The following MROH2B variants were observed in gnomAD, a reference collection of about 807,000 sequenced individuals.
The protein encoded by MROH2B is maestro heat-like repeat-containing protein family member 2B.
A neutral mutation model predicts 208.6 loss-of-function variants in MROH2B; 177 were observed. That is an observed-to-expected ratio of 0.85 (90% CI 0.75 to 0.96). The LOEUF is 0.96. Ranked by LOEUF, MROH2B falls within the 40% of genes least tolerant of loss-of-function variation. The pLI, the probability that MROH2B is intolerant of heterozygous loss-of-function variation, is 0.00. For synonymous variants in MROH2B, 728 were observed against 659.0 expected (o/e 1.10, Z -1.60); for missense variants, 2,002 against 1,878.7 (o/e 1.07, Z -1.21).
intron 28 of MROH2B, 81 bp downstream of exon 28, chr5:41,017,769 T>C (rs969768586): frequency 4.1e-6 from 6 of 1,446,046 alleles, no homozygotes; most frequent in Non-Finnish European, 4.6e-6. Flanking sequence ...GAGAGAGACA[T>C]AGGTGCATAA....
At chr5:41,035,552 T>C (rs1015068363) in intron 21 of MROH2B, among the ~76,000 whole-genome samples, 3 of 151,676 alleles carry the variant, frequency 2.0e-5, no homozygotes, top group Middle Eastern at 3.2e-3. Flanking sequence ...ATGGAAAAAA[T>C]ATCCTCAAAC....
chr5:41,005,425 C>CTCCG lies in MROH2B; in HGVS notation c.3864+105_3864+106insCGGA. On this transcript the variant is annotated intron_variant, in intron 35 of 41. Coordinates refer to ENST00000399564, the MANE Select transcript of MROH2B (RefSeq NM_173489.5). ...TCTCCTCTATGAAACCCCCCCCCCC[C>CTCCG]TTGAAGTCTCTCTTCCCTGGTTCCA... 5.1e-5 allele frequency: 11 copies of CTCCG among 215,380 alleles called. 1 individual carries two copies. Among genetic ancestry groups the CTCCG allele is most frequent in the East Asian group, 4.3e-4 (5 of 11,532 alleles). The allele number at this position is 215,380 out of a possible 1,614,324, so 13.3% of individuals were successfully genotyped here. A position where few individuals can be genotyped will look rare whatever the true frequency, so the allele number is the denominator to read the frequency against.
chr5:41,038,378 A>C (rs1201955983), intron 21 of MROH2B, among the ~76,000 whole-genome samples: 1 of 152,162 alleles, frequency 6.6e-6, no homozygotes, highest in Non-Finnish European at 1.5e-5. Context: ...CAGTGGTAGG[A>C]CATGAACCGC....
chr5:41,029,508 G>A (rs1742493666), intron 24 of MROH2B, among the ~76,000 whole-genome samples: 1 of 151,998 alleles, frequency 6.6e-6, no homozygotes, highest in African/African-American at 2.4e-5. Context: ...TGCTTTTGTA[G>A]GCCAAGATTT....
intron 29 of MROH2B, among the ~76,000 whole-genome samples, chr5:41,015,117 T>A (rs1427973980): frequency 6.6e-6 from 1 of 152,184 alleles, no homozygotes; most frequent in Non-Finnish European, 1.5e-5. Context: ...TCTGATTAAC[T>A]CCAAAGCTCT....
Position 41,009,422 on chromosome 5 carries a change from A to G in MROH2B, c.3294-16T>C. ...CTTTGTGTCCCTAGGGTGGCAAAGCAGGAAATTGGTAGATAAGGCACAACC... is the reference window on the plus strand; with the variant it reads ...CTTTGTGTCCCTAGGGTGGCAAAGCGGGAAATTGGTAGATAAGGCACAACC... On this transcript the variant is annotated splice_polypyrimidine_tract_variant and intron_variant, in intron 31 of 41. Transcript: ENST00000399564. The G allele has an allele frequency of 6.2e-7, 1 of 1,612,354 alleles. No homozygotes were observed. The highest frequency in any genetic ancestry group is 8.5e-7 in the Non-Finnish European group (1 of 1,179,086).
At chr5:41,033,281 C>T in intron 22 of MROH2B, 121 bp from the exon 23 acceptor site, 1 of 1,369,450 alleles carries the variant, frequency 7.3e-7, no homozygotes, top group Non-Finnish European at 9.9e-7. Context: ...GCTTCCTTTG[C>T]CATCTCTACT....
At chr5:41,048,285 T>A (rs764369117) in intron 16 of MROH2B, 39 bp downstream of exon 16, 1 of 1,564,074 alleles carries the variant, frequency 6.4e-7, no homozygotes, top group Non-Finnish European at 8.6e-7. Context: ...CTTTATGTTC[T>A]TGCCCCCTGG....
chr5:41,005,356 T>C (rs1190632792), intron 35 of MROH2B, 175 bp downstream of exon 35: 3 of 572,044 alleles, frequency 5.2e-6, no homozygotes, highest in Non-Finnish European at 9.3e-6. Flanking sequence ...TATTTTCCTC[T>C]CTCACCCCCT....
intron 11 of MROH2B, among the ~76,000 whole-genome samples, chr5:41,053,512 G>C (rs559368575): frequency 6.6e-6 from 1 of 152,148 alleles, no homozygotes; most frequent in African/African-American, 2.4e-5. Flanking sequence ...ATAGAAACAT[G>C]AGAACCAATC....
Position 41,033,113 on chromosome 5 carries a change from G to A in MROH2B, c.2289C>T (p.Gly763=), listed in dbSNP as rs773863536. 3.7e-6 allele frequency: 6 copies of A among 1,612,890 alleles called. No individual in the cohort carries two copies. The African/African-American group carries it at 8.0e-5, about 22-fold the overall frequency. Residue 763 remains glycine, a synonymous_variant, in exon 23 of 42, where the codon GGC becomes GGT. Transcript: ENST00000399564. ...MSFTRSITEI[G]IAVQDAEDQG... Reference sequence around the variant, plus strand: ...GATCCTCAGCATCTTGGACAGCAATGCCAATCTCAGTGATGCTTCTTGTGA... The same window carrying A: ...GATCCTCAGCATCTTGGACAGCAATACCAATCTCAGTGATGCTTCTTGTGA...
intron 2 of MROH2B, among the ~76,000 whole-genome samples, chr5:41,069,369 C>T (rs1743911053): frequency 6.6e-6 from 1 of 152,090 alleles, no homozygotes; most frequent in African/African-American, 2.4e-5. Flanking sequence ...ATTTTTGTAA[C>T]AACCCTCAAA....
intron 29 of MROH2B, 36 bp downstream of exon 29, chr5:41,015,345 A>C (rs1179297155): frequency 6.4e-7 from 1 of 1,566,320 alleles, no homozygotes; most frequent in Admixed American, 1.7e-5. Flanking sequence ...ATCAATCCAG[A>C]ATCTTTACAT....
At chr5:41,022,933 G>A (rs892584571) in intron 24 of MROH2B, among the ~76,000 whole-genome samples, 1 of 118,430 alleles carries the variant, frequency 8.4e-6, no homozygotes, top group Non-Finnish European at 2.2e-5. Context: ...AGGCAAACAG[G>A]GTCTGGAGTG....
chr5:41,026,260 A>T lies in MROH2B; in HGVS notation c.2441+6482T>A, dbSNP rs1579925050. ...GAAGTCAAGTTGTCCCTGTTTGCAG[A>T]TGACATGATTGTATATCTAGAAAAC... On this transcript the variant is annotated intron_variant, in intron 24 of 41. Transcript: ENST00000399564. 3.3e-5 allele frequency among the ~76,000 whole-genome samples: 5 copies of T among 152,346 alleles called. 1 individual carries two copies. The highest frequency in any genetic ancestry group is 1.2e-4 in the African/African-American group (5 of 41,584).
At chr5:41,037,635 C>A (rs1243920490) in intron 21 of MROH2B, among the ~76,000 whole-genome samples, 1 of 152,176 alleles carries the variant, frequency 6.6e-6, no homozygotes, top group Non-Finnish European at 1.5e-5. Context: ...TATGCATCAA[C>A]ATGTGGTTTG....
intron 5 of MROH2B, among the ~76,000 whole-genome samples, chr5:41,064,063 T>A (rs1364642612): frequency 6.6e-6 from 1 of 152,216 alleles, no homozygotes; most frequent in Non-Finnish European, 1.5e-5. Context: ...GTGCTGACAA[T>A]CATTGCCAAG....
At chr5:41,048,945 C>T (rs77030634) in intron 15 of MROH2B, among the ~76,000 whole-genome samples, 156 bp downstream of exon 15, 14,444 of 152,170 alleles carry the variant, frequency 0.095, 845 homozygotes, top group African/African-American at 0.17. Context: ...AATAAATATT[C>T]ATGAATGTCA....
At chr5:41,039,198 G>C (rs964117208) in intron 20 of MROH2B, among the ~76,000 whole-genome samples, 4 of 152,086 alleles carry the variant, frequency 2.6e-5, no homozygotes, top group South Asian at 2.1e-4. Context: ...CCGAGTGGTT[G>C]GTAGAGGGAC....
Sources: gnomAD v4.1 joint callset for allele counts (sites outside exome capture counted in the v4.1 genomes callset) on GRCh38, gnomAD v4.1.1 for gene constraint, MANE v1.5 for transcripts, NCBI Gene and HGNC (gene_info 2026-07-23, HGNC 2026-07-21) for gene names.